Variants in RDH13 observed in about 807,000 individuals in gnomAD.
RDH13 encodes retinol dehydrogenase 13 (all-trans and 9-cis).
In RDH13, 35 loss-of-function variants were observed where a neutral mutation model predicts 28.3. The ratio of observed to expected loss-of-function variants is 1.24; its 90% CI spans 0.95 to 1.64. The LOEUF (loss-of-function observed/expected upper bound fraction) is 1.64. RDH13 is among the 40% of genes most tolerant of loss of function. RDH13 has a pLI of 0.00. For missense variants in RDH13, 514 were observed against 446.3 expected (o/e 1.15, Z -1.37); for synonymous variants, 229 against 198.5 (o/e 1.15, Z -1.29).
At chr19:55,052,966 GT>G (rs2075505372) in intron 3 of RDH13, among the ~76,000 whole-genome samples, 1 of 151,942 alleles carries the variant, frequency 6.6e-6, no homozygotes, top group African/African-American at 2.4e-5. Flanking sequence ...CTGCCTGATT[GT>G]TTTGTATTTT....
chr19:55,042,930 G>A (rs531738077), downstream of RDH13: 1 of 152,312 alleles, frequency 6.6e-6, no homozygotes, highest in Admixed American at 6.5e-5. Flanking sequence ...GGTCAGTTTT[G>A]TAACCTAACC....
At chr19:55,052,610 C>T (rs2075484755) in intron 3 of RDH13, among the ~76,000 whole-genome samples, 1 of 151,616 alleles carries the variant, frequency 6.6e-6, no homozygotes, top group Non-Finnish European at 1.5e-5. Flanking sequence ...CTCCCACCTC[C>T]ACCTCCCAAG....
chr19:55,051,453 T>C (rs2075431103), intron 3 of RDH13, among the ~76,000 whole-genome samples: 1 of 151,594 alleles, frequency 6.6e-6, no homozygotes, highest in Non-Finnish European at 1.5e-5. Flanking sequence ...AGATGAAGTC[T>C]CACTCTGCCA....
chr19:55,059,222 G>A lies in RDH13; in HGVS notation c.119C>T (p.Thr40Met), dbSNP rs200371141. 101 of 1,605,516 alleles carry A rather than the reference G, an allele frequency of 6.3e-5. 1 individual carries two copies. The South Asian group carries it at 7.5e-4, about 12-fold the overall frequency. ...TGTGTTGGCACCCGTCACGATGACC[G>A]TCTTCCCAGGGATGGTGGCCTTGCT... ...CPSKATIPGK[T>M]VIVTGANTGI... Residue 40 changes from threonine to methionine, a missense_variant, in exon 2 of 7, where the codon ACG becomes ATG. Coordinates refer to ENST00000415061, the MANE Select transcript of RDH13 (RefSeq NM_001145971.2).
chr19:55,048,852 C>T, intron 3 of RDH13, 89 bp from the exon 4 acceptor site: 1 of 1,154,208 alleles, frequency 8.7e-7, no homozygotes, highest in Non-Finnish European at 1.3e-6. Flanking sequence ...GCTCCCACAA[C>T]CTGTGAATGT....
chr19:55,056,309 CA>C (rs2075630654), intron 3 of RDH13, among the ~76,000 whole-genome samples: 1 of 151,876 alleles, frequency 6.6e-6, no homozygotes, highest in Non-Finnish European at 1.5e-5. Context: ...ACTAAAAATA[CA>C]AAAATTAGCA....
intron 1 of RDH13, 61 bp downstream of exon 1, chr19:55,062,907 T>C: frequency 7.5e-7 from 1 of 1,341,544 alleles, no homozygotes; most frequent in Non-Finnish European, 9.7e-7. Context: ...CTCCGCCGCC[T>C]TCCCGGCCCC....
At chr19:55,063,250 G>A, upstream of RDH13, 1 of 408,910 alleles carries the variant, frequency 2.4e-6, no homozygotes, top group East Asian at 3.7e-5. Flanking sequence ...TCGGTCCTGA[G>A]CGCTGTCACA....
upstream of RDH13, among the ~76,000 whole-genome samples, chr19:55,066,424 C>CT (rs1476222981): frequency 6.7e-6 from 1 of 148,776 alleles, no homozygotes; most frequent in East Asian, 2.0e-4. Flanking sequence ...CTCTTCCTCT[C>CT]TCCCTCTCTG....
chr19:55,048,242 T>C (rs1044729083), intron 5 of RDH13, 87 bp downstream of exon 5: 4 of 1,582,480 alleles, frequency 2.5e-6, no homozygotes, highest in East Asian at 2.3e-5. Flanking sequence ...GATCCACCGT[T>C]TGGCCTCCCA....
At chr19:55,065,877 C>T (rs757604022), upstream of RDH13, among the ~76,000 whole-genome samples, 1 of 152,164 alleles carries the variant, frequency 6.6e-6, no homozygotes, top group African/African-American at 2.4e-5. Context: ...GCCGCCACAC[C>T]TGGCTGATTT....
chr19:55,059,542 T>C (rs1019189130), intron 1 of RDH13, among the ~76,000 whole-genome samples: 8 of 127,452 alleles, frequency 6.3e-5, no homozygotes, highest in African/African-American at 2.4e-4. Context: ...TGAGGGGGCT[T>C]GCACCTGTAA....
downstream of RDH13, chr19:55,042,770 G>T (rs8113032): frequency 1.3e-5 from 2 of 152,016 alleles, no homozygotes; most frequent in Non-Finnish European, 2.9e-5. Context: ...GCTCACGCAC[G>T]TGGTTGTTGG....
At chr19:55,065,780 C>G (rs563087203), upstream of RDH13, among the ~76,000 whole-genome samples, 2 of 152,214 alleles carry the variant, frequency 1.3e-5, no homozygotes, top group South Asian at 4.1e-4. Context: ...CGCAGTGATG[C>G]AATCTCAGCT....
At chr19:55,060,867 T>A (rs1474457726) in intron 1 of RDH13, among the ~76,000 whole-genome samples, 1 of 150,644 alleles carries the variant, frequency 6.6e-6, no homozygotes, top group Non-Finnish European at 1.5e-5. Flanking sequence ...TGCACGAGAT[T>A]CCCAAGGCTG....
At chr19:55,045,626 T>C (rs1003242858) in intron 6 of RDH13, among the ~76,000 whole-genome samples, 2 of 152,132 alleles carry the variant, frequency 1.3e-5, no homozygotes, top group Non-Finnish European at 2.9e-5. Context: ...TCTTATTAAA[T>C]GCACCTGGCA....
In RDH13 at chr19:55,048,419, G is replaced by T; in HGVS notation, c.568C>A (p.Gln190Lys). ...GCTTTGGTGTTATACTTCCTCGTCT[G>T]CCAGTTCAAGTCGTCAAAGTCTATG... ...GHIDFDDLNWQTRKYNTKAAY... is the reference protein window; with the variant it reads ...GHIDFDDLNWKTRKYNTKAAY... The change falls in exon 5 of 7, where the codon CAG (glutamine) becomes AAG (lysine). Residue 190 changes from glutamine to lysine, a missense_variant. Coordinates refer to ENST00000415061, the MANE Select transcript of RDH13 (RefSeq NM_001145971.2). 6.2e-7 allele frequency: 1 copy of T among 1,614,204 alleles called. No homozygotes were observed. Among genetic ancestry groups the T allele is most frequent in the Non-Finnish European group, 8.5e-7 (1 of 1,180,052 alleles).
At chr19:55,065,919 T>C (rs1224837372), upstream of RDH13, among the ~76,000 whole-genome samples, 2 of 152,174 alleles carry the variant, frequency 1.3e-5, no homozygotes, top group African/African-American at 2.4e-5. Flanking sequence ...GGTTTCACCA[T>C]GTTGGCCAGG....
In RDH13 at chr19:55,048,496, G is replaced by C; in HGVS notation, c.491C>G (p.Ser164Ter). Residue 164 changes from serine (S) to a stop codon, truncating the protein, a stop_gained, in exon 5 of 7, where the codon TCA (serine) becomes TGA (stop). Transcript: ENST00000415061. LOFTEE classifies it high-confidence loss of function. ...TNLLLDKLKA[S>*]APSRIINLSS... ...GAGGTTGATGATCCGCGAAGGGGCT[G>C]AGGCTTTCAGCTTGTCCAGCAGCAA... 1 of 1,614,238 alleles carries C rather than the reference G, an allele frequency of 6.2e-7. No individual in the cohort carries two copies. The highest frequency in any genetic ancestry group is 1.3e-5 in the African/African-American group (1 of 75,062).
Sources: allele counts gnomAD v4.1 joint callset (sites outside exome capture counted in the v4.1 genomes callset), GRCh38; gene constraint gnomAD v4.1.1; transcripts MANE v1.5; gene names NCBI Gene and HGNC (gene_info 2026-07-23, HGNC 2026-07-21).